The following MEIG1 variants were observed in gnomAD, a reference collection of about 807,000 sequenced individuals.
MEIG1 encodes meiosis expressed gene 1 protein homolog.
A neutral mutation model predicts 11.3 loss-of-function variants in MEIG1; 12 were observed. That is an observed-to-expected ratio of 1.07 (90% CI 0.68 to 1.73). The LOEUF is 1.73. MEIG1 is among the 40% of genes most tolerant of loss of function. The pLI is 0.00. For missense variants in MEIG1, 119 were observed against 104.9 expected, an observed-to-expected ratio of 1.13 and a Z score of -0.59; for synonymous variants, 41 against 33.2, an observed-to-expected ratio of 1.24 and a Z score of -0.81.
At chr10:14,971,331 G>C (rs1843147916) in intron 2 of MEIG1, among the ~76,000 whole-genome samples, 2 of 150,522 alleles carry the variant, frequency 1.3e-5, no homozygotes, top group South Asian at 2.1e-4. Flanking sequence ...AGGAGTTTGA[G>C]ACCAGCCTGG....
chr10:14,984,774 C>A (rs1430194949), intron 1 of MEIG1, among the ~76,000 whole-genome samples: 1 of 152,026 alleles, frequency 6.6e-6, no homozygotes, highest in African/African-American at 2.4e-5. Flanking sequence ...TGAAATTATT[C>A]GTTATAATTT....
chr10:14,962,573 G>A (rs1268880594), intron 1 of MEIG1, among the ~76,000 whole-genome samples: 1 of 152,108 alleles, frequency 6.6e-6, no homozygotes, highest in African/African-American at 2.4e-5. Context: ...AGCTGAAAGT[G>A]ACAAAAGGTT....
intron 2 of MEIG1, among the ~76,000 whole-genome samples, chr10:14,968,530 A>G (rs1843113862): frequency 6.6e-6 from 1 of 152,110 alleles, no homozygotes; most frequent in Admixed American, 6.6e-5. Context: ...TTAAAAGTAC[A>G]TAGGAAAAAT....
rs867349046 is a variant in MEIG1 at position 14,987,236 on chromosome 10, A to G, written n.285+222A>G. Reference sequence around the variant, plus strand: ...AGTGAACCCGATGTCAGCCCAGCACAGGTTGGAGAGGAAGAAGTACATGGG... The same window carrying G: ...AGTGAACCCGATGTCAGCCCAGCACGGGTTGGAGAGGAAGAAGTACATGGG... On this transcript the variant is annotated intron_variant and non_coding_transcript_variant, in intron 2 of 2. Coordinates refer to the MEIG1 transcript ENST00000467536. The G allele has an allele frequency of 7.5e-6, 7 of 938,130 alleles. No individual in the cohort carries two copies. The Middle Eastern group carries it at 7.0e-4, about 94-fold the overall frequency. 58.1% of individuals were successfully genotyped at this position (938,130 alleles called of 1,614,324 possible).
At chr10:14,977,956 C>A (rs1163195104) in intron 1 of MEIG1, among the ~76,000 whole-genome samples, 1 of 151,836 alleles carries the variant, frequency 6.6e-6, no homozygotes, top group Non-Finnish European at 1.5e-5. Flanking sequence ...TGACATTATT[C>A]GTAATATCCT....
At chr10:14,964,304 T>A (rs1406242991) in intron 1 of MEIG1, among the ~76,000 whole-genome samples, 1 of 151,992 alleles carries the variant, frequency 6.6e-6, no homozygotes, top group African/African-American at 2.4e-5. Context: ...GCTACATCTT[T>A]CATATTGAAG....
At chr10:14,957,257 T>C (rs146417860), upstream of MEIG1, among the ~76,000 whole-genome samples, 23 of 152,264 alleles carry the variant, frequency 1.5e-4, no homozygotes, top group African/African-American at 5.5e-4. Context: ...GGAGGTTAAG[T>C]AGCTTGTCCA....
downstream of MEIG1, among the ~76,000 whole-genome samples, chr10:14,975,083 T>A (rs1220333644): frequency 1.3e-5 from 2 of 152,030 alleles, no homozygotes; most frequent in South Asian, 2.1e-4. Context: ...GGATGGCGTA[T>A]GACGTTACTC....
At chr10:14,970,864 T>C (rs1449074064) in intron 2 of MEIG1, among the ~76,000 whole-genome samples, 3 of 152,142 alleles carry the variant, frequency 2.0e-5, no homozygotes, top group Non-Finnish European at 4.4e-5. Flanking sequence ...GGACTGCCTG[T>C]ATAGATGGTG....
chr10:14,956,530 C>T (rs1247374942), upstream of MEIG1, among the ~76,000 whole-genome samples: 1 of 152,070 alleles, frequency 6.6e-6, no homozygotes, highest in Non-Finnish European at 1.5e-5. Flanking sequence ...TGCACTGAGC[C>T]GAGATTGGAC....
At chr10:14,986,901 A>G (rs2131287654) in exon 2 of MEIG1, 3 of 545,278 alleles carry the variant, frequency 5.5e-6, no homozygotes, top group South Asian at 4.8e-5. Context: ...GGTCACAGAC[A>G]AAATGAGAGA....
At chr10:14,975,852 C>T (rs1228638900), downstream of MEIG1, among the ~76,000 whole-genome samples, 8 of 152,118 alleles carry the variant, frequency 5.3e-5, no homozygotes, top group Admixed American at 4.6e-4. Context: ...CGATACTACA[C>T]CCAATGCCGC....
upstream of MEIG1, among the ~76,000 whole-genome samples, chr10:14,958,234 T>A (rs548396777): frequency 1.3e-5 from 2 of 152,156 alleles, no homozygotes; most frequent in African/African-American, 2.4e-5. Flanking sequence ...TGAATATACA[T>A]TGATATACAA....
chr10:14,967,954 C>T (rs1484940114), intron 2 of MEIG1, among the ~76,000 whole-genome samples: 1 of 152,068 alleles, frequency 6.6e-6, no homozygotes, highest in Admixed American at 6.6e-5. Context: ...TATGGACTCC[C>T]CAAGTTCAAA....
upstream of MEIG1, among the ~76,000 whole-genome samples, chr10:14,957,062 A>G (rs1377475329): frequency 1.3e-5 from 2 of 152,208 alleles, no homozygotes; most frequent in African/African-American, 4.8e-5. Context: ...CAAAAAAATA[A>G]AACTAAAAAA....
At chr10:14,987,041 G>A (rs1843325420) in intron 2 of MEIG1, 1 of 603,098 alleles carries the variant, frequency 1.7e-6, no homozygotes, top group Non-Finnish European at 2.9e-6. Flanking sequence ...ACTGGGTAGT[G>A]CAGAGGGAGA....
At chr10:14,975,711 C>G (rs1429729131), downstream of MEIG1, among the ~76,000 whole-genome samples, 1 of 152,008 alleles carries the variant, frequency 6.6e-6, no homozygotes, top group Non-Finnish European at 1.5e-5. Flanking sequence ...CCCAATAGCA[C>G]AGAAAGCGTA....
intron 1 of MEIG1, among the ~76,000 whole-genome samples, chr10:14,982,319 C>T (rs1218003572): frequency 3.3e-5 from 5 of 152,048 alleles, no homozygotes; most frequent in East Asian, 1.9e-4. Flanking sequence ...GTGGTCGGTT[C>T]GTGGTACCTG....
At chr10:14,976,150 C>G (rs1160830068), downstream of MEIG1, among the ~76,000 whole-genome samples, 2 of 150,984 alleles carry the variant, frequency 1.3e-5, no homozygotes, top group Non-Finnish European at 3.0e-5. Flanking sequence ...ATATTACTCC[C>G]CGATTTTTCC....
Sources: allele counts gnomAD v4.1 joint callset (sites outside exome capture counted in the v4.1 genomes callset), GRCh38; gene constraint gnomAD v4.1.1; transcripts MANE v1.5; gene names NCBI Gene and HGNC (gene_info 2026-07-23, HGNC 2026-07-21).